The following TYW1 variants were observed in gnomAD, a reference collection of about 807,000 sequenced individuals.
TYW1 encodes the protein tRNA-yW synthesizing protein 1 homolog.
Under a neutral mutation model 96.2 loss-of-function variants are expected in TYW1, and 46 were observed. That is an observed-to-expected ratio of 0.48 (90% CI 0.38 to 0.61). The LOEUF is 0.61. Ranked by LOEUF, TYW1 falls within the 20% of genes least tolerant of loss-of-function variation. The pLI is 0.00. For synonymous variants in TYW1, 274 were observed against 323.0 expected, an observed-to-expected ratio of 0.85 and a Z score of 1.63; for missense variants, 684 against 909.6, an observed-to-expected ratio of 0.75 and a Z score of 3.19.
At chr7:67,219,444 A>T (rs1310802373) in intron 15 of TYW1, among the ~76,000 whole-genome samples, 2 of 152,134 alleles carry the variant, frequency 1.3e-5, no homozygotes, top group Non-Finnish European at 2.9e-5. Context: ...GTTTTGGAAA[A>T]GTTTGAGAAA....
At chr7:67,153,923 T>C (rs1188354165) in intron 13 of TYW1, among the ~76,000 whole-genome samples, 15 of 124,918 alleles carry the variant, frequency 1.2e-4, no homozygotes, top group Non-Finnish European at 2.0e-4. Flanking sequence ...TTTAACGACT[T>C]TCTTTTTTTT....
At chr7:67,084,741 T>C (rs1236065986) in intron 11 of TYW1, among the ~76,000 whole-genome samples, 1 of 152,112 alleles carries the variant, frequency 6.6e-6, no homozygotes, top group Non-Finnish European at 1.5e-5. Flanking sequence ...TCTCAAACTC[T>C]TGGACTCAAG....
chr7:67,094,411 T>A (rs560493912), intron 11 of TYW1, among the ~76,000 whole-genome samples: 21 of 152,292 alleles, frequency 1.4e-4, no homozygotes, highest in African/African-American at 5.1e-4. Context: ...TTTTTAGTTC[T>A]TTGAGAAATC....
At chr7:67,218,416 T>C (rs957271967) in intron 15 of TYW1, among the ~76,000 whole-genome samples, 3 of 152,058 alleles carry the variant, frequency 2.0e-5, no homozygotes, top group African/African-American at 7.2e-5. Flanking sequence ...TGCAGTGGCA[T>C]GGTCTCAACT....
intron 12 of TYW1, among the ~76,000 whole-genome samples, chr7:67,107,339 C>T (rs562709139): frequency 2.0e-5 from 3 of 152,294 alleles, no homozygotes; most frequent in Non-Finnish European, 4.4e-5. Flanking sequence ...GACCCCCAGC[C>T]TATCTTGTTT....
At chr7:67,007,104 C>G (rs1377883607) in intron 3 of TYW1, among the ~76,000 whole-genome samples, 1 of 151,828 alleles carries the variant, frequency 6.6e-6, no homozygotes, top group African/African-American at 2.4e-5. Flanking sequence ...TTGAATTAAA[C>G]TGAAAGGAAA....
At chr7:67,010,885 C>G (rs1369832008) in intron 4 of TYW1, among the ~76,000 whole-genome samples, 1 of 152,076 alleles carries the variant, frequency 6.6e-6, no homozygotes, top group Non-Finnish European at 1.5e-5. Flanking sequence ...GCCCTCCCCG[C>G]TATTTTGAAT....
At chr7:67,151,975 T>C (rs1798818962) in intron 13 of TYW1, among the ~76,000 whole-genome samples, 1 of 152,044 alleles carries the variant, frequency 6.6e-6, no homozygotes, top group African/African-American at 2.4e-5. Context: ...CCTGGCTAAT[T>C]TTTAAAATTT....
At chr7:67,134,745 T>C in intron 13 of TYW1, among the ~76,000 whole-genome samples, 1 of 148,914 alleles carries the variant, frequency 6.7e-6, no homozygotes, top group Non-Finnish European at 1.5e-5. Flanking sequence ...CTCAGAATCC[T>C]GGAAATCAGG....
At chr7:67,020,572 A>T (rs10807708) in intron 6 of TYW1, among the ~76,000 whole-genome samples, 2 of 152,280 alleles carry the variant, frequency 1.3e-5, no homozygotes, top group East Asian at 3.8e-4. Flanking sequence ...GACCATGTTA[A>T]CCTCCTGTTT....
chr7:67,128,368 A>G (rs1278535819), intron 13 of TYW1, among the ~76,000 whole-genome samples: 3 of 152,136 alleles, frequency 2.0e-5, no homozygotes, highest in Non-Finnish European at 4.4e-5. Context: ...TTAGAGCTCC[A>G]GCATTTCGAT....
At chr7:67,080,940 G>GTTTTTTTTTTTTTTTTTTTTTTTTTTTTT (rs71049495) in intron 10 of TYW1, among the ~76,000 whole-genome samples, 2 of 37,252 alleles carry the variant, frequency 5.4e-5, no homozygotes, top group Non-Finnish European at 9.6e-5. Context: ...CTTTCTTACT[G>GTTTTTTTTTTTTTTTTTTTTTTTTTTTTT]TTTTTTTTTT....
chr7:67,018,432 G>A (rs1205188612), intron 6 of TYW1, among the ~76,000 whole-genome samples: 2 of 151,796 alleles, frequency 1.3e-5, no homozygotes, highest in South Asian at 2.1e-4. Context: ...TCTCAGCTAC[G>A]TAGGAGGTGG....
At chr7:67,070,053 C>A (rs1241971616) in intron 10 of TYW1, among the ~76,000 whole-genome samples, 1 of 152,136 alleles carries the variant, frequency 6.6e-6, no homozygotes, top group Non-Finnish European at 1.5e-5. Flanking sequence ...AATATGCTCT[C>A]CCACTGCCTT....
At chr7:67,109,273 CAAAAAA>C (rs1203625487) in intron 12 of TYW1, among the ~76,000 whole-genome samples, 4 of 49,102 alleles carry the variant, frequency 8.1e-5, no homozygotes, top group Admixed American at 2.0e-4. Flanking sequence ...GACTCCGTCT[CAAAAAA>C]AAAAAAAAAA....
intron 7 of TYW1, among the ~76,000 whole-genome samples, chr7:67,036,328 C>A (rs1055507306): frequency 6.6e-6 from 1 of 151,914 alleles, no homozygotes; most frequent in Non-Finnish European, 1.5e-5. Context: ...TGTTTACAGA[C>A]GTTCCATAGC....
At chr7:67,123,023 T>C (rs1308112882) in intron 13 of TYW1, among the ~76,000 whole-genome samples, 1 of 152,212 alleles carries the variant, frequency 6.6e-6, no homozygotes, top group Non-Finnish European at 1.5e-5. Context: ...TCCTAGAGTT[T>C]CTTGTAGTCA....
At chr7:67,102,871 G>C (rs935507425) in intron 12 of TYW1, among the ~76,000 whole-genome samples, 2 of 152,060 alleles carry the variant, frequency 1.3e-5, no homozygotes, top group Admixed American at 6.5e-5. Context: ...GGATGGTCTC[G>C]ATCTCCTGAC....
Position 67,117,617 on chromosome 7 carries a change from A to T in TYW1, c.1697A>T (p.Lys566Met). Reference protein sequence around the residue: ...FLDSLKALAVKQQRTVYRLTL... With the variant: ...FLDSLKALAVMQQRTVYRLTL... ...GACAGTTTAAAAGCCTTGGCAGTCA[A>T]GGTAAGAATTATGACATCTTAAAAA... The change falls in exon 13 of 16, where the codon AAG (lysine) becomes ATG (methionine). Residue 566 changes from lysine (K) to methionine (M), a missense_variant and splice_region_variant. By Grantham distance (95) the Lys-to-Met change is moderately conservative (BLOSUM62 -1). Coordinates refer to ENST00000359626, the MANE Select transcript of TYW1 (RefSeq NM_018264.4). 2 of 1,608,608 alleles carry T rather than the reference A, an allele frequency of 1.2e-6. No individual in the cohort carries two copies. The highest frequency in any genetic ancestry group is 1.7e-6 in the Non-Finnish European group (2 of 1,178,702).
Sources: allele counts gnomAD v4.1 joint callset (sites outside exome capture counted in the v4.1 genomes callset), GRCh38; gene constraint gnomAD v4.1.1; transcripts MANE v1.5; gene names NCBI Gene and HGNC (gene_info 2026-07-23, HGNC 2026-07-21).